KCNT2: variants seen among roughly 807,000 people sequenced by gnomAD.
The protein encoded by KCNT2 is potassium sodium-activated channel subfamily T member 2.
In KCNT2, 67 loss-of-function variants were observed where a neutral mutation model predicts 153.8. The ratio of observed to expected loss-of-function variants is 0.44; its 90% CI spans 0.36 to 0.53. KCNT2 has a LOEUF of 0.53. Among genes scored for constraint, KCNT2 ranks in the 20% least tolerant of loss-of-function variants. The pLI, the probability that KCNT2 is intolerant of heterozygous loss-of-function variation, is 0.00. For missense variants in KCNT2, 975 were observed against 1,354.8 expected (o/e 0.72, Z 4.40); for synonymous variants, 500 against 458.8 (o/e 1.09, Z -1.15).
intron 12 of KCNT2, among the ~76,000 whole-genome samples, chr1:196,414,986 T>G (rs3855964): frequency 0.7 from 105,668 of 151,654 alleles, 36,905 homozygotes; most frequent in Middle Eastern, 0.77. Context: ...TCTTCCAAAT[T>G]AATATCCAAG....
In KCNT2 at chr1:196,245,507, C is replaced by T. The variant is rs552190217; in HGVS notation, c.3212-9437G>A. Reference sequence around the variant, plus strand: ...TCAAGACCATCTTGGAAACCACATCCTCACCAAACAAAATAAGGAATCAGC... The same window carrying T: ...TCAAGACCATCTTGGAAACCACATCTTCACCAAACAAAATAAGGAATCAGC... On this transcript the variant is annotated intron_variant, in intron 26 of 27. Coordinates refer to ENST00000294725, the MANE Select transcript of KCNT2 (RefSeq NM_198503.5). Among the ~76,000 whole-genome samples, 6 of 152,226 alleles carry T rather than the reference C, an allele frequency of 3.9e-5. No homozygotes were observed. In the South Asian group the frequency reaches 1.2e-3, roughly 32 times the overall value.
At chr1:196,291,009 C>T (rs1225977074) in intron 22 of KCNT2, among the ~76,000 whole-genome samples, 2 of 152,138 alleles carry the variant, frequency 1.3e-5, no homozygotes, top group Non-Finnish European at 2.9e-5. Context: ...TCCCAAACTG[C>T]TTTCCAGGAT....
At chr1:196,261,785 C>A (rs1165891090) in intron 25 of KCNT2, among the ~76,000 whole-genome samples, 3 of 151,864 alleles carry the variant, frequency 2.0e-5, no homozygotes, top group Admixed American at 1.3e-4. Context: ...CATGGAATAA[C>A]TACAGAACTC....
chr1:196,242,319 A>T (rs1017178466), intron 26 of KCNT2, among the ~76,000 whole-genome samples: 1 of 152,080 alleles, frequency 6.6e-6, no homozygotes, highest in Non-Finnish European at 1.5e-5. Flanking sequence ...CTAATTGGTA[A>T]TCTGAAAATG....
intron 26 of KCNT2, among the ~76,000 whole-genome samples, chr1:196,236,496 TTA>T (rs1250135890): frequency 6.6e-6 from 1 of 151,456 alleles, no homozygotes; most frequent in African/African-American, 2.4e-5. Context: ...TATAATTACA[TTA>T]TGTTTAGAAA....
At chr1:196,420,268 A>C (rs1352333129) in intron 12 of KCNT2, among the ~76,000 whole-genome samples, 1 of 151,778 alleles carries the variant, frequency 6.6e-6, no homozygotes, top group Non-Finnish European at 1.5e-5. Flanking sequence ...CCATATTCTC[A>C]TGTTACTAGG....
At chr1:196,558,380 CGT>C (rs142132505) in intron 1 of KCNT2, among the ~76,000 whole-genome samples, 140 of 147,172 alleles carry the variant, frequency 9.5e-4, no homozygotes, top group Non-Finnish European at 1.3e-3. Flanking sequence ...TCTAAAATAA[CGT>C]GTGTGTGTGT....
At chr1:196,330,520 A>G (rs953204250) in intron 18 of KCNT2, among the ~76,000 whole-genome samples, 4 of 151,956 alleles carry the variant, frequency 2.6e-5, no homozygotes, top group African/African-American at 9.7e-5. Flanking sequence ...GGGGCAGTAA[A>G]TATAAGGTTC....
intron 19 of KCNT2, among the ~76,000 whole-genome samples, chr1:196,321,459 T>C (rs944314989): frequency 6.6e-6 from 1 of 151,976 alleles, no homozygotes; most frequent in African/African-American, 2.4e-5. Context: ...GCAGAGAATA[T>C]AAAAGCTAAC....
At chr1:196,500,367 G>A (rs1680602734) in intron 1 of KCNT2, among the ~76,000 whole-genome samples, 1 of 151,738 alleles carries the variant, frequency 6.6e-6, no homozygotes, top group African/African-American at 2.4e-5. Flanking sequence ...TTAGTGACTG[G>A]CCCAAATTCA....
chr1:196,480,616 G>C (rs926028760), intron 4 of KCNT2, among the ~76,000 whole-genome samples: 1 of 151,988 alleles, frequency 6.6e-6, no homozygotes, highest in Non-Finnish European at 1.5e-5. Flanking sequence ...AGCACTTTGG[G>C]AGGCCGAGGT....
At chr1:196,544,048 C>T (rs1235309588) in intron 1 of KCNT2, among the ~76,000 whole-genome samples, 1 of 152,112 alleles carries the variant, frequency 6.6e-6, no homozygotes, top group Non-Finnish European at 1.5e-5. Context: ...GGATACCACT[C>T]AGTGATAAAA....
At chr1:196,439,191 A>G (rs933787396) in intron 8 of KCNT2, among the ~76,000 whole-genome samples, 7 of 152,036 alleles carry the variant, frequency 4.6e-5, no homozygotes, top group African/African-American at 1.7e-4. Context: ...ACTTTGGTTA[A>G]TATCTGTTTT....
At chr1:196,466,950 T>C (rs1329154434) in intron 7 of KCNT2, among the ~76,000 whole-genome samples, 2 of 151,954 alleles carry the variant, frequency 1.3e-5, no homozygotes, top group Non-Finnish European at 2.9e-5. Flanking sequence ...TCTCCATCTT[T>C]TATTCTACCT....
chr1:196,545,463 C>A (rs1656951005), intron 1 of KCNT2, among the ~76,000 whole-genome samples: 1 of 152,028 alleles, frequency 6.6e-6, no homozygotes, highest in Non-Finnish European at 1.5e-5. Flanking sequence ...CAGGATCAGG[C>A]TGGAGAGGTT....
chr1:196,421,249 A>G (rs1342862414), intron 12 of KCNT2, among the ~76,000 whole-genome samples: 1 of 152,042 alleles, frequency 6.6e-6, no homozygotes, highest in Non-Finnish European at 1.5e-5. Flanking sequence ...GTGTCAGGAA[A>G]AAAAAGAGAA....
chr1:196,575,976 T>TAA (rs67161739), intron 1 of KCNT2, among the ~76,000 whole-genome samples: 99,137 of 130,130 alleles, frequency 0.76, 41,240 homozygotes, highest in East Asian at 0.95. Context: ...AGACCCTGTC[T>TAA]AAAAAAAAAA....
At chr1:196,355,729 T>C (rs1330659193) in intron 14 of KCNT2, among the ~76,000 whole-genome samples, 1 of 151,752 alleles carries the variant, frequency 6.6e-6, no homozygotes, top group Non-Finnish European at 1.5e-5. Context: ...CATCTACTTT[T>C]TAAACTGTCA....
chr1:196,589,034 A>G (rs919533686), intron 1 of KCNT2, among the ~76,000 whole-genome samples: 1 of 151,974 alleles, frequency 6.6e-6, no homozygotes, highest in Non-Finnish European at 1.5e-5. Flanking sequence ...TAAATATCTA[A>G]CAACACCTAA....
Sources: gnomAD v4.1 joint callset for allele counts (sites outside exome capture counted in the v4.1 genomes callset) on GRCh38, gnomAD v4.1.1 for gene constraint, MANE v1.5 for transcripts, NCBI Gene and HGNC (gene_info 2026-07-23, HGNC 2026-07-21) for gene names.